The following PTPRE variants were observed in gnomAD, a reference collection of about 807,000 sequenced individuals.
PTPRE encodes receptor-type tyrosine-protein phosphatase epsilon.
PTPRE carries 51 observed loss-of-function variants against 102.0 expected under a neutral mutation model. The ratio of observed to expected loss-of-function variants is 0.50; its 90% CI spans 0.40 to 0.63. The LOEUF (loss-of-function observed/expected upper bound fraction) is 0.63. Ranked by LOEUF, PTPRE falls within the 30% of genes least tolerant of loss-of-function variation. PTPRE has a pLI of 0.00. For synonymous variants in PTPRE, 345 were observed against 348.2 expected, an observed-to-expected ratio of 0.99 and a Z score of 0.10; for missense variants, 752 against 915.1, an observed-to-expected ratio of 0.82 and a Z score of 2.30.
rs1356201504 is a variant in PTPRE at position 128,077,805 on chromosome 10, C to A, written c.1892+22C>A. On this transcript the variant is annotated intron_variant, in intron 19 of 20. Coordinates refer to ENST00000254667, the MANE Select transcript of PTPRE (RefSeq NM_006504.6). ...GCAGGTGAGCCCCCAGCCCGAAGCCCTCCAGGTGGGGTGGACACAGGCTGC... is the reference window on the plus strand; with the variant it reads ...GCAGGTGAGCCCCCAGCCCGAAGCCATCCAGGTGGGGTGGACACAGGCTGC... The A allele has an allele frequency of 8.3e-6, 13 of 1,571,038 alleles. No individual in the cohort carries two copies. In the Admixed American group the frequency reaches 2.1e-4, roughly 25 times the overall value.
At chr10:128,040,683 C>T (rs1341890739) in intron 2 of PTPRE, among the ~76,000 whole-genome samples, 192 bp from the exon 3 acceptor site, 1 of 152,186 alleles carries the variant, frequency 6.6e-6, no homozygotes, top group South Asian at 2.1e-4. Flanking sequence ...TGAATGTCCA[C>T]AGTCAGTGAC....
chr10:127,925,783 C>T (rs1260236565), intron 1 of PTPRE, among the ~76,000 whole-genome samples: 3 of 151,998 alleles, frequency 2.0e-5, no homozygotes, highest in African/African-American at 7.2e-5. Context: ...AACTGCTTGG[C>T]GGAGGGAATG....
At chr10:127,946,281 A>G (rs1848613800) in intron 1 of PTPRE, among the ~76,000 whole-genome samples, 1 of 152,222 alleles carries the variant, frequency 6.6e-6, no homozygotes, top group Admixed American at 6.5e-5. Flanking sequence ...ATTCGTGTAT[A>G]TACCATTTCA....
Position 128,008,476 on chromosome 10 carries a change from C to T in PTPRE, c.-8+26180C>T, listed in dbSNP as rs964949968. Among the ~76,000 whole-genome samples the T allele has an allele frequency of 5.3e-5, 8 of 152,208 alleles. No individual in the cohort carries two copies. Among genetic ancestry groups the T allele is most frequent in the African/African-American group, 1.4e-4 (6 of 41,454 alleles). Reference sequence around the variant, plus strand: ...AGGGATAATGTCAAACAGCCAGTCCCGGGTTTCTAAACCCAGTTGATCAAT... The same window carrying T: ...AGGGATAATGTCAAACAGCCAGTCCTGGGTTTCTAAACCCAGTTGATCAAT... On this transcript the variant is annotated intron_variant, in intron 2 of 20. Transcript: ENST00000254667. This position sits in a 1 kb window ranked among gnomAD's most constrained non-coding sequence, Gnocchi z 4.0.
At chr10:127,977,835 T>G (rs1468573595) in intron 1 of PTPRE, among the ~76,000 whole-genome samples, 3 of 152,210 alleles carry the variant, frequency 2.0e-5, no homozygotes, top group African/African-American at 7.2e-5. Context: ...CCTGTTCCGA[T>G]GTTGTCACCA....
In PTPRE at chr10:127,990,099, C is replaced by T. The variant is rs578259355; in HGVS notation, c.-8+7803C>T. On this transcript the variant is annotated intron_variant, in intron 2 of 20. Coordinates refer to ENST00000254667, the MANE Select transcript of PTPRE (RefSeq NM_006504.6). ...TATAAATGTGTGTTTTGCCCAGGAG[C>T]CTAGAAAAATGATTGATTAGAAAGA... is the stretch of plus-strand genomic sequence containing the variant. 3.3e-5 allele frequency among the ~76,000 whole-genome samples: 5 copies of T among 152,140 alleles called. No homozygotes were observed. The South Asian group carries it at 1.0e-3, about 32-fold the overall frequency.
intron 2 of PTPRE, among the ~76,000 whole-genome samples, chr10:128,015,610 C>A (rs1342543404): frequency 6.6e-6 from 1 of 152,176 alleles, no homozygotes; most frequent in African/African-American, 2.4e-5. Context: ...TCGTGATCCA[C>A]CCGCCTCAGC....
At chr10:128,040,009 C>G (rs1018767536) in intron 2 of PTPRE, among the ~76,000 whole-genome samples, 3 of 152,300 alleles carry the variant, frequency 2.0e-5, no homozygotes, top group Admixed American at 6.5e-5. Context: ...CATGAAAGAG[C>G]CTTTTTCTGT....
In PTPRE at chr10:128,073,346, C is replaced by G; in HGVS notation, c.1474C>G (p.Gln492Glu). 1.9e-6 allele frequency: 3 copies of G among 1,614,154 alleles called. No individual in the cohort carries two copies. The highest frequency in any genetic ancestry group is 1.3e-5 in the African/African-American group (1 of 75,048). Reference sequence around the variant, plus strand: ...GCGCCTCCATTTGAAGGGCTACCGACAGAAGGACTATTTCATCGCCACCCA... The same window carrying G: ...GCGCCTCCATTTGAAGGGCTACCGAGAGAAGGACTATTTCATCGCCACCCA... ...INASFIDGYR[Q>E]KDYFIATQGP... Residue 492 changes from glutamine (Q) to glutamate (E), a missense_variant, in exon 17 of 21, where the codon CAG becomes GAG. Transcript: ENST00000254667.
At chr10:128,043,434 CG>C (rs1847870161) in intron 3 of PTPRE, among the ~76,000 whole-genome samples, 1 of 152,144 alleles carries the variant, frequency 6.6e-6, no homozygotes, top group Non-Finnish European at 1.5e-5. Flanking sequence ...GCTGATCTGA[CG>C]GGGGGCGGCG....
chr10:128,077,775 G>A lies in PTPRE; in HGVS notation c.1884G>A (p.Val628=), dbSNP rs1162648516. ...QQQTGNHPIT[V]HCSAGAGRTG... is the part of the protein sequence containing the mutation. ...AGACAGGCAACCACCCCATCACCGT[G>A]CACTGCAGGTGAGCCCCCAGCCCGA... The change falls in exon 19 of 21, where the codon GTG becomes GTA. Residue 628 remains valine (V), a synonymous_variant. Transcript: ENST00000254667. 6.3e-7 allele frequency: 1 copy of A among 1,595,892 alleles called. No homozygotes were observed. The highest frequency in any genetic ancestry group is 1.3e-5 in the African/African-American group (1 of 74,644).
At chr10:127,972,538 G>A (rs4403723) in intron 1 of PTPRE, among the ~76,000 whole-genome samples, 6,168 of 152,306 alleles carry the variant, frequency 0.04, 209 homozygotes, top group Admixed American at 0.09. Flanking sequence ...CCCACGGTGC[G>A]AAGAGCAGCC....
chr10:128,049,681 G>A lies in PTPRE; in HGVS notation c.420+15G>A. On this transcript the variant is annotated intron_variant, in intron 6 of 20. Coordinates refer to ENST00000254667, the MANE Select transcript of PTPRE (RefSeq NM_006504.6). ...AGGAGTTCAACGTGAGTGTGGGGAG[G>A]GCTCTCTGCTGGGTGCCCTGTGGTG... The A allele has an allele frequency of 6.2e-7, 1 of 1,613,508 alleles. No individual in the cohort carries two copies. Among genetic ancestry groups the A allele is most frequent in the Non-Finnish European group, 8.5e-7 (1 of 1,179,936 alleles).
chr10:127,999,578 C>T (rs1853658493), intron 2 of PTPRE: 1 of 985,496 alleles, frequency 1.0e-6, no homozygotes, highest in Non-Finnish European at 1.2e-6. Context: ...ATCGAGCACG[C>T]AGGTTGCACT....
chr10:127,965,933 T>C (rs1239444681), intron 1 of PTPRE, among the ~76,000 whole-genome samples: 2 of 152,264 alleles, frequency 1.3e-5, no homozygotes, highest in African/African-American at 4.8e-5. Flanking sequence ...GACCTCCTCC[T>C]GGCCTTCAGT....
intron 20 of PTPRE, among the ~76,000 whole-genome samples, chr10:128,080,484 G>A (rs576251069): frequency 1.3e-5 from 2 of 152,320 alleles, no homozygotes; most frequent in East Asian, 1.9e-4. Context: ...AGCTGAGGGC[G>A]GGTCTGTCCA....
intron 1 of PTPRE, among the ~76,000 whole-genome samples, chr10:127,911,504 A>C (rs1845865177): frequency 6.6e-6 from 1 of 152,240 alleles, no homozygotes; most frequent in Non-Finnish European, 1.5e-5. Flanking sequence ...CTTCTAGACC[A>C]GAACATAAAG....
chr10:127,935,269 G>A (rs1847764764), intron 1 of PTPRE, among the ~76,000 whole-genome samples: 1 of 152,192 alleles, frequency 6.6e-6, no homozygotes, highest in South Asian at 2.1e-4. Flanking sequence ...GGCCTTTGCT[G>A]GCGGCAGGAT....
rs1462223545 is a variant in PTPRE at position 128,060,925 on chromosome 10, G to A, written c.512-14G>A. On this transcript the variant is annotated splice_polypyrimidine_tract_variant and intron_variant, in intron 7 of 20. Coordinates refer to ENST00000254667, the MANE Select transcript of PTPRE (RefSeq NM_006504.6). ...GGTCCTAATATCTTGGCTTTGTTTG[G>A]GTTTTTTTTCCAGATGACCATTCTA... The A allele has an allele frequency of 6.2e-7, 1 of 1,613,332 alleles. No individual in the cohort carries two copies. Among genetic ancestry groups the A allele is most frequent in the Non-Finnish European group, 8.5e-7 (1 of 1,179,486 alleles).
Sources: gnomAD v4.1 joint callset for allele counts (sites outside exome capture counted in the v4.1 genomes callset) on GRCh38, gnomAD v4.1.1 for gene constraint, Gnocchi (gnomAD v3.1) non-coding constraint, MANE v1.5 for transcripts, NCBI Gene and HGNC (gene_info 2026-07-23, HGNC 2026-07-21) for gene names.